Variants in ADAMTS17 observed in about 807,000 individuals in gnomAD.
ADAMTS17 encodes the protein A disintegrin and metalloproteinase with thrombospondin motifs 17.
ADAMTS17 carries 113 observed loss-of-function variants against 141.5 expected under a neutral mutation model. That is an observed-to-expected ratio of 0.80 (90% CI 0.69 to 0.93). The LOEUF is 0.93. Ranked by LOEUF, ADAMTS17 falls within the 40% of genes least tolerant of loss-of-function variation. ADAMTS17 has a pLI of 0.00. For synonymous variants in ADAMTS17, 768 were observed against 630.6 expected (o/e 1.22, Z -3.27); for missense variants, 1,659 against 1,517.9 (o/e 1.09, Z -1.54).
intron 3 of ADAMTS17, among the ~76,000 whole-genome samples, chr15:100,322,367 T>C (rs1596521697): frequency 6.6e-6 from 1 of 152,160 alleles, no homozygotes; most frequent in South Asian, 2.1e-4. Flanking sequence ...GATGCCTACA[T>C]GGAAAAGAGT....
chr15:100,108,540 C>T (rs1232277362), intron 14 of ADAMTS17, among the ~76,000 whole-genome samples: 1 of 152,166 alleles, frequency 6.6e-6, no homozygotes, highest in Admixed American at 6.5e-5. Context: ...GCCCTCAATG[C>T]CTTTGGGACT....
chr15:100,263,628 T>C (rs2043606527), intron 4 of ADAMTS17, among the ~76,000 whole-genome samples: 1 of 152,202 alleles, frequency 6.6e-6, no homozygotes, highest in Admixed American at 6.5e-5. Context: ...CCCCAGGTCA[T>C]TATGACTCTG....
chr15:100,260,116 A>G (rs2043465041), intron 6 of ADAMTS17, among the ~76,000 whole-genome samples: 1 of 152,046 alleles, frequency 6.6e-6, no homozygotes, highest in Admixed American at 6.5e-5. Flanking sequence ...AAGTGCTGGG[A>G]TTACAGGCAT....
chr15:100,304,254 C>T (rs2045144307), intron 3 of ADAMTS17, among the ~76,000 whole-genome samples: 1 of 152,208 alleles, frequency 6.6e-6, no homozygotes, highest in Non-Finnish European at 1.5e-5. Context: ...CTCCTCCAAG[C>T]ACTGGACTCC....
chr15:100,221,976 TCA>T (rs2042148607), intron 7 of ADAMTS17, among the ~76,000 whole-genome samples: 1 of 151,904 alleles, frequency 6.6e-6, no homozygotes, highest in African/African-American at 2.4e-5. Context: ...GAGGCCATCA[TCA>T]CACAGAGGCA....
chr15:100,271,388 CTGTTT>C lies in ADAMTS17; in HGVS notation c.790-8958_790-8954del, dbSNP rs59223261. Among the ~76,000 whole-genome samples the C allele has an allele frequency of 6.0e-3, 911 of 152,222 alleles. 15 individuals carry two copies. In the East Asian group the frequency reaches 0.068, roughly 11 times the overall value. On this transcript the variant is annotated intron_variant, in intron 4 of 21. Transcript: ENST00000268070. The stretch of plus-strand genomic sequence containing the variant: ...TTTTTCCGCATCACTGTCAACACTT[CTGTTT>C]TGTTTTGGTGTTTTATTTTTTTGTT...
rs140550498 is a variant in ADAMTS17 at position 100,282,581 on chromosome 15, C to G, written c.617-1180G>C. Among the ~76,000 whole-genome samples, 208 of 152,342 alleles carry G rather than the reference C, an allele frequency of 1.4e-3. 1 individual carries two copies. Among genetic ancestry groups the G allele is most frequent in the African/African-American group, 4.7e-3 (196 of 41,574 alleles). Reference sequence around the variant, plus strand: ...GAATGAGGTCTCTCTCTCAAAATCGCTCATTGTACTGTACTCACCTATTTT... The same window carrying G: ...GAATGAGGTCTCTCTCTCAAAATCGGTCATTGTACTGTACTCACCTATTTT... On this transcript the variant is annotated intron_variant, in intron 3 of 21. Coordinates refer to ENST00000268070, the MANE Select transcript of ADAMTS17 (RefSeq NM_139057.4).
intron 3 of ADAMTS17, among the ~76,000 whole-genome samples, chr15:100,303,335 A>G (rs1280606313): frequency 6.6e-6 from 1 of 151,330 alleles, no homozygotes; most frequent in African/African-American, 2.4e-5. Flanking sequence ...AGTTACAAGA[A>G]TTCTTTATAT....
At chr15:100,121,961 C>T (rs1301374777) in intron 12 of ADAMTS17, among the ~76,000 whole-genome samples, 1 of 152,164 alleles carries the variant, frequency 6.6e-6, no homozygotes, top group African/African-American at 2.4e-5. Flanking sequence ...AGTGTGGCTT[C>T]CCAGAGAGTT....
intron 3 of ADAMTS17, among the ~76,000 whole-genome samples, chr15:100,325,092 G>A (rs10468170): frequency 0.044 from 6,751 of 152,160 alleles, 466 homozygotes; most frequent in African/African-American, 0.15. Flanking sequence ...CATTTATGAC[G>A]GTTCGCTTGA....
chr15:100,124,569 T>C (rs1234504400), intron 12 of ADAMTS17, among the ~76,000 whole-genome samples: 2 of 152,250 alleles, frequency 1.3e-5, no homozygotes, highest in Non-Finnish European at 2.9e-5. Flanking sequence ...GCAGCTGTTA[T>C]GTGGTCACAC....
chr15:100,067,174 C>T (rs1384176828), intron 15 of ADAMTS17, among the ~76,000 whole-genome samples: 3 of 151,308 alleles, frequency 2.0e-5, no homozygotes, highest in Non-Finnish European at 2.9e-5. Flanking sequence ...AATATTCCTT[C>T]AACACTTGAA....
At chr15:100,193,506 G>A (rs770183385) in intron 8 of ADAMTS17, among the ~76,000 whole-genome samples, 4 of 152,174 alleles carry the variant, frequency 2.6e-5, no homozygotes, top group Admixed American at 1.3e-4. Context: ...AGGAATGTGG[G>A]CAAGGCCAGA....
chr15:100,307,867 G>T (rs1318612092), intron 3 of ADAMTS17, among the ~76,000 whole-genome samples: 1 of 152,222 alleles, frequency 6.6e-6, no homozygotes, highest in Non-Finnish European at 1.5e-5. Context: ...CGACAGTCTT[G>T]CTCATCTATA....
chr15:100,062,266 G>A (rs1994010), intron 15 of ADAMTS17, among the ~76,000 whole-genome samples: 100,438 of 152,010 alleles, frequency 0.66, 35,426 homozygotes, highest in Non-Finnish European at 0.8. Context: ...AAGCACGAGC[G>A]GCCGTCACAG....
chr15:100,035,331 G>A (rs1443837649), intron 18 of ADAMTS17, among the ~76,000 whole-genome samples: 1 of 152,212 alleles, frequency 6.6e-6, no homozygotes, highest in African/African-American at 2.4e-5. Context: ...CATAAGGGAT[G>A]TGCTCAGTTA....
At chr15:99,990,473 G>C (rs8042761) in intron 20 of ADAMTS17, among the ~76,000 whole-genome samples, 6,548 of 152,232 alleles carry the variant, frequency 0.043, 458 homozygotes, top group African/African-American at 0.15. Flanking sequence ...GGGGAAACTG[G>C]ACTGACAGCC....
chr15:100,047,981 T>C (rs562909657), intron 18 of ADAMTS17, among the ~76,000 whole-genome samples: 4 of 152,272 alleles, frequency 2.6e-5, no homozygotes, highest in African/African-American at 9.6e-5. Flanking sequence ...TTTTTTTCCT[T>C]CCTGTCTCCT....
chr15:100,054,768 T>C (rs919839991), intron 15 of ADAMTS17, among the ~76,000 whole-genome samples: 1 of 152,180 alleles, frequency 6.6e-6, no homozygotes, highest in African/African-American at 2.4e-5. Flanking sequence ...TTCTCACGTT[T>C]GCTCACCCAC....
Sources: allele counts gnomAD v4.1 joint callset (sites outside exome capture counted in the v4.1 genomes callset), GRCh38; gene constraint gnomAD v4.1.1; transcripts MANE v1.5; gene names NCBI Gene and HGNC (gene_info 2026-07-23, HGNC 2026-07-21).